ZNF507: variants seen among roughly 807,000 people sequenced by gnomAD.
The protein encoded by ZNF507 is zinc finger protein 507.
A neutral mutation model predicts 80.0 loss-of-function variants in ZNF507; 29 were observed. The ratio of observed to expected loss-of-function variants is 0.36; its 90% CI spans 0.27 to 0.49. The LOEUF (loss-of-function observed/expected upper bound fraction) is 0.49. Ranked by LOEUF, ZNF507 falls within the 20% of genes least tolerant of loss-of-function variation. ZNF507 has a pLI of 0.98. For synonymous variants in ZNF507, 462 were observed against 422.5 expected, an observed-to-expected ratio of 1.09 and a Z score of -1.15; for missense variants, 1,081 against 1,152.2, an observed-to-expected ratio of 0.94 and a Z score of 0.90.
chr19:32,360,387 G>T, intron 4 of ZNF507, 117 bp from the exon 5 acceptor site: 1 of 501,590 alleles, frequency 2.0e-6, no homozygotes, highest in Non-Finnish European at 3.4e-6. Context: ...TGAGAAAGCC[G>T]TGATTGAAAT....
intron 5 of ZNF507, among the ~76,000 whole-genome samples, chr19:32,369,955 T>G (rs1449605447): frequency 6.6e-6 from 1 of 151,818 alleles, no homozygotes; most frequent in South Asian, 2.1e-4. Flanking sequence ...TGTGTGTGTG[T>G]GTATTGGATT....
chr19:32,353,586 T>G lies in ZNF507; in HGVS notation c.756T>G (p.Phe252Leu). The change falls in exon 3 of 7, where the codon TTT becomes TTG. Residue 252 changes from phenylalanine (F) to leucine (L), a missense_variant. Physicochemically the swap from Phe to Leu is conservative, Grantham distance 22. Coordinates refer to ENST00000355898, the MANE Select transcript of ZNF507 (RefSeq NM_001136156.2). ...YEQYGMYRCLFCSYTCGQQRM... is the reference protein window; with the variant it reads ...YEQYGMYRCLLCSYTCGQQRM... Reference sequence around the variant, plus strand: ...AGTACGGCATGTATCGATGCTTGTTTTGTAGTTATACTTGTGGCCAGCAGA... The same window carrying G: ...AGTACGGCATGTATCGATGCTTGTTGTGTAGTTATACTTGTGGCCAGCAGA... 1 of 1,614,244 alleles carries G rather than the reference T, an allele frequency of 6.2e-7. No homozygotes were observed. The highest frequency in any genetic ancestry group is 8.5e-7 in the Non-Finnish European group (1 of 1,180,044).
intron 5 of ZNF507, among the ~76,000 whole-genome samples, chr19:32,377,571 T>C (rs1240556507): frequency 6.6e-6 from 1 of 152,246 alleles, no homozygotes; most frequent in Admixed American, 6.5e-5. Context: ...GAACAGCTCG[T>C]GCCCTCGGTC....
intron 3 of ZNF507, among the ~76,000 whole-genome samples, chr19:32,355,327 CAA>C (rs1174631259): frequency 6.6e-6 from 1 of 152,090 alleles, no homozygotes; most frequent in Admixed American, 6.5e-5. Flanking sequence ...ATCATCACAA[CAA>C]AAAAATACAT....
chr19:32,378,203 A>G (rs1370089768), intron 5 of ZNF507, among the ~76,000 whole-genome samples: 1 of 152,054 alleles, frequency 6.6e-6, no homozygotes, highest in Non-Finnish European at 1.5e-5. Context: ...AAATGCAAAA[A>G]TTAGCCAGGC....
chr19:32,346,178 C>T (rs1407882198), intron 1 of ZNF507, among the ~76,000 whole-genome samples: 1 of 152,208 alleles, frequency 6.6e-6, no homozygotes, highest in Non-Finnish European at 1.5e-5. Flanking sequence ...ATTCCCGACC[C>T]ATCACCTCAG....
Position 32,383,269 on chromosome 19 carries a change from T to C in ZNF507, c.*186T>C. 3 of 729,184 alleles carry C rather than the reference T, an allele frequency of 4.1e-6. No individual in the cohort carries two copies. Among genetic ancestry groups the C allele is most frequent in the Non-Finnish European group, 4.3e-6 (2 of 464,284 alleles). The allele number at this position is 729,184 out of a possible 1,614,324, so 45.2% of individuals were successfully genotyped here. ...ATTCCAAATGGACAAGCAGTAATGA[T>C]ATTTAAATATTTTGAGTGAGGGGGA... On this transcript the variant is annotated 3_prime_UTR_variant, in exon 7 of 7. Transcript: ENST00000355898.
intron 4 of ZNF507, chr19:32,359,070 C>T (rs1028534117): frequency 2.3e-4 from 35 of 152,184 alleles, no homozygotes; most frequent in African/African-American, 8.4e-4. Flanking sequence ...TGTAATATTT[C>T]TCACACAAAA....
chr19:32,375,826 C>G (rs1000707116), intron 5 of ZNF507, among the ~76,000 whole-genome samples: 2 of 152,012 alleles, frequency 1.3e-5, no homozygotes, highest in African/African-American at 2.4e-5. Flanking sequence ...GAAAATATGC[C>G]TTTTTGCTTC....
At position 32,385,799 on chromosome 19, in the gene ZNF507, G is replaced by C. The variant is rs1243075076; in HGVS notation, c.*2716G>C. The stretch of plus-strand genomic sequence containing the variant: ...CCATTGCACTCCAACCGGGGTGACA[G>C]ATGAGGTCCTCTGTTTACCTCCCCC... On this transcript the variant is annotated 3_prime_UTR_variant, in exon 7 of 7. Transcript: ENST00000355898. 1.3e-5 allele frequency: 2 copies of C among 152,140 alleles called. No homozygotes were observed. The highest frequency in any genetic ancestry group is 4.8e-5 in the African/African-American group (2 of 41,496). The allele number at this position is 152,140 out of a possible 1,614,324, so 9.4% of individuals were successfully genotyped here.
chr19:32,356,812 T>G, intron 4 of ZNF507, 79 bp downstream of exon 4: 1 of 1,066,362 alleles, frequency 9.4e-7, no homozygotes, highest in Non-Finnish European at 1.5e-6. Context: ...TGGTTGGTTA[T>G]TTTCAGGGCA....
intron 2 of ZNF507, among the ~76,000 whole-genome samples, 193 bp from the exon 3 acceptor site, chr19:32,352,636 T>C (rs185228143): frequency 6.6e-6 from 1 of 152,314 alleles, no homozygotes; most frequent in East Asian, 1.9e-4. Context: ...TGATAGAAGA[T>C]TGCATTGTAA....
intron 5 of ZNF507, among the ~76,000 whole-genome samples, chr19:32,361,581 T>A (rs1210461234): frequency 2.0e-5 from 3 of 152,222 alleles, no homozygotes; most frequent in Admixed American, 1.3e-4. Context: ...TTGCAGAGTC[T>A]TAAAACTCTG....
Position 32,383,235 on chromosome 19 carries a change from A to G in ZNF507, c.*152A>G, listed in dbSNP as rs189376279. The G allele has an allele frequency of 1.0e-4, 100 of 976,648 alleles. No individual in the cohort carries two copies. The East Asian group carries it at 2.6e-3, about 25-fold the overall frequency. The allele number at this position is 976,648 out of a possible 1,614,324, so 60.5% of individuals were successfully genotyped here. ...ATGTGACTTTGGAACCAAACTTGTA[A>G]TAAAAGGAATTCCAAATGGACAAGC... is the stretch of plus-strand genomic sequence containing the variant. On this transcript the variant is annotated 3_prime_UTR_variant, in exon 7 of 7. Transcript: ENST00000355898.
intron 5 of ZNF507, among the ~76,000 whole-genome samples, chr19:32,377,180 G>T (rs1967560506): frequency 6.6e-6 from 1 of 152,096 alleles, no homozygotes; most frequent in Admixed American, 6.5e-5. Context: ...TGGGGAAAGG[G>T]AGACTCTCTT....
intron 5 of ZNF507, among the ~76,000 whole-genome samples, chr19:32,367,484 TTCTTAATGATG>T (rs1967414250): frequency 1.3e-5 from 2 of 152,246 alleles, no homozygotes; most frequent in African/African-American, 4.8e-5. Flanking sequence ...CCTTTCTACT[TTCTTAATGATG>T]TCTTTTGATG....
chr19:32,375,756 A>G (rs1459146277), intron 5 of ZNF507, among the ~76,000 whole-genome samples: 1 of 152,234 alleles, frequency 6.6e-6, no homozygotes, highest in African/African-American at 2.4e-5. Flanking sequence ...AACGATTTCC[A>G]TAATCAGAAA....
At position 32,383,659 on chromosome 19, in the gene ZNF507, T is replaced by C. The variant is rs942116250; in HGVS notation, c.*576T>C. The C allele has an allele frequency of 6.6e-6, 1 of 152,312 alleles. No individual in the cohort carries two copies. The highest frequency in any genetic ancestry group is 2.4e-5 in the African/African-American group (1 of 41,452). The allele number at this position is 152,312 out of a possible 1,614,324, so 9.4% of individuals were successfully genotyped here. On this transcript the variant is annotated 3_prime_UTR_variant, in exon 7 of 7. Coordinates refer to ENST00000355898, the MANE Select transcript of ZNF507 (RefSeq NM_001136156.2). The stretch of plus-strand genomic sequence containing the variant: ...AATTAATCATACTCAATCTAGGACA[T>C]GTTCCTTTACTCCTTAAAAAAGAAA...
intron 2 of ZNF507, among the ~76,000 whole-genome samples, chr19:32,348,976 A>T (rs1013247685): frequency 6.6e-6 from 1 of 152,244 alleles, no homozygotes; most frequent in Non-Finnish European, 1.5e-5. Context: ...CAAGGAAGGT[A>T]TATTTACAAA....
Sources: gnomAD v4.1 joint callset for allele counts (sites outside exome capture counted in the v4.1 genomes callset) on GRCh38, gnomAD v4.1.1 for gene constraint, MANE v1.5 for transcripts, NCBI Gene and HGNC (gene_info 2026-07-23, HGNC 2026-07-21) for gene names.